The following ZCCHC3 variants were observed in gnomAD, a reference collection of about 807,000 sequenced individuals.
ZCCHC3 encodes zinc finger CCHC-type containing 3.
Under a neutral mutation model 18.4 loss-of-function variants are expected in ZCCHC3, and 20 were observed. The ratio of observed to expected loss-of-function variants is 1.09; its 90% CI spans 0.76 to 1.58. ZCCHC3 has a LOEUF of 1.58. Among genes scored for constraint, ZCCHC3 ranks in the 40% most tolerant of loss-of-function variants. The probability of loss-of-function intolerance (pLI) is 0.00; values close to 1 mark genes in which losing one functional copy is unlikely to be tolerated. For missense variants in ZCCHC3, 548 were observed against 511.2 expected, an observed-to-expected ratio of 1.07 and a Z score of -0.69; for synonymous variants, 310 against 232.7, an observed-to-expected ratio of 1.33 and a Z score of -3.02.
chr20:297,591 C>T lies in ZCCHC3; in HGVS notation c.5C>T (p.Ala2Val). 1 of 1,367,664 alleles carries T rather than the reference C, an allele frequency of 7.3e-7. No homozygotes were observed. The highest frequency in any genetic ancestry group is 9.5e-7 in the Non-Finnish European group (1 of 1,057,002). 84.7% of individuals were successfully genotyped at this position (1,367,664 alleles called of 1,614,324 possible). Residue 2 changes from alanine (A) to valine (V), a missense_variant, in exon 1 of 1, where the codon GCC (alanine) becomes GTC (valine). Coordinates refer to ENST00000500893, the MANE Select transcript of ZCCHC3 (RefSeq NM_033089.7). ...GGATGCTGGGAAGGAGGTAAAATGG[C>T]CACCGGCGGCGGCGCGGAGGAAGAG... M[A>V]TGGGAEEERK... is the part of the protein sequence containing the mutation.
rs1295621742 is a variant in ZCCHC3, at chr20:298,021, G to A, written c.435G>A (p.Ala145=). ...TPARPGEAED[A]AERPLQDEPA... ...CCAGGCCCGGCGAGGCCGAGGACGC[G>A]GCCGAGCGGCCCCTCCAGGATGAGC... Residue 145 remains alanine (A), a synonymous_variant, in exon 1 of 1, where the codon GCG becomes GCA. Transcript: ENST00000500893. 2.6e-5 allele frequency: 37 copies of A among 1,425,186 alleles called. No individual in the cohort carries two copies. Among genetic ancestry groups the A allele is most frequent in the Non-Finnish European group, 3.3e-5 (36 of 1,095,532 alleles). The allele number at this position is 1,425,186 out of a possible 1,614,324, so 88.3% of individuals were successfully genotyped here.
chr20:299,463 G>T lies in ZCCHC3; in HGVS notation c.*665G>T. ...GGACTTCATGACAGCTCTTTTGGTG[G>T]CTCAGAAGCCATTTTTTATAGAATC... On this transcript the variant is annotated 3_prime_UTR_variant, in exon 1 of 1. Coordinates refer to ENST00000500893, the MANE Select transcript of ZCCHC3 (RefSeq NM_033089.7). The T allele has an allele frequency of 6.0e-6, 1 of 167,208 alleles. No individual in the cohort carries two copies. 10.4% of individuals were successfully genotyped at this position (167,208 alleles called of 1,614,324 possible). A position where few individuals can be genotyped will look rare whatever the true frequency, so the allele number is the denominator to read the frequency against.
Position 299,517 on chromosome 20 carries a change from G to C in ZCCHC3, c.*719G>C, listed in dbSNP as rs545876059. 5 of 167,200 alleles carry C rather than the reference G, an allele frequency of 3.0e-5. No homozygotes were observed. Among genetic ancestry groups the C allele is most frequent in the African/African-American group, 9.6e-5 (4 of 41,576 alleles). The allele number at this position is 167,200 out of a possible 1,614,324, so 10.4% of individuals were successfully genotyped here. A position where few individuals can be genotyped will look rare whatever the true frequency, so the allele number is the denominator to read the frequency against. ...GAATCTAGAATATTCCTGCTGGAAA[G>C]AACCTGAGAGTTGGTTTGGACCAAT... On this transcript the variant is annotated 3_prime_UTR_variant, in exon 1 of 1. Coordinates refer to ENST00000500893, the MANE Select transcript of ZCCHC3 (RefSeq NM_033089.7).
At position 299,618 on chromosome 20, in the gene ZCCHC3, C is replaced by G. The variant is rs1427670319; in HGVS notation, c.*820C>G. 3.6e-5 allele frequency: 6 copies of G among 167,026 alleles called. No individual in the cohort carries two copies. The highest frequency in any genetic ancestry group is 2.6e-4 in the Admixed American group (4 of 15,268). The allele number at this position is 167,026 out of a possible 1,614,324, so 10.3% of individuals were successfully genotyped here. On this transcript the variant is annotated 3_prime_UTR_variant, in exon 1 of 1. Transcript: ENST00000500893. ...GTGAAAATCACATAGCTGTCTGGTG[C>G]CAGAGCCAGCCTATAGTAGAGTCCC...
rs2012694574 is a variant in ZCCHC3, at chr20:298,767, C to T, written c.1181C>T (p.Ala394Val). Residue 394 changes from alanine (A) to valine (V), a missense_variant, in exon 1 of 1, where the codon GCA becomes GTA. Transcript: ENST00000500893. ...QCPKAVHNSV[A>V]AQLTGVAGH ...CCCAAAGCAGTGCACAATTCCGTGGCAGCTCAGCTAACCGGCGTGGCCGGG... is the reference window on the plus strand; with the variant it reads ...CCCAAAGCAGTGCACAATTCCGTGGTAGCTCAGCTAACCGGCGTGGCCGGG... 2 of 1,529,404 alleles carry T rather than the reference C, an allele frequency of 1.3e-6. No homozygotes were observed. The highest frequency in any genetic ancestry group is 1.4e-5 in the African/African-American group (1 of 72,572). 94.7% of individuals were successfully genotyped at this position (1,529,404 alleles called of 1,614,324 possible).
At position 298,048 on chromosome 20, in the gene ZCCHC3, G is replaced by C. The variant is rs760356685; in HGVS notation, c.462G>C (p.Pro154=). The change falls in exon 1 of 1, where the codon CCG becomes CCC. Residue 154 remains proline (P), a synonymous_variant. Transcript: ENST00000500893. ...CCGAGCGGCCCCTCCAGGATGAGCC[G>C]GCGGCGGCGGCAGGCCCGGGCAAGG... is the stretch of plus-strand genomic sequence containing the variant. ...DAAERPLQDE[P]AAAAGPGKGR... 6.7e-7 allele frequency: 1 copy of C among 1,497,644 alleles called. No individual in the cohort carries two copies. Among genetic ancestry groups the C allele is most frequent in the Non-Finnish European group, 8.9e-7 (1 of 1,123,156 alleles). 92.8% of individuals were successfully genotyped at this position (1,497,644 alleles called of 1,614,324 possible). A position where few individuals can be genotyped will look rare whatever the true frequency, so the allele number is the denominator to read the frequency against.
Position 297,790 on chromosome 20 carries a change from C to A in ZCCHC3, c.204C>A (p.Gly68=). The A allele has an allele frequency of 7.5e-7, 1 of 1,336,344 alleles. No individual in the cohort carries two copies. The highest frequency in any genetic ancestry group is 2.1e-5 in the South Asian group (1 of 48,754). 82.8% of individuals were successfully genotyped at this position (1,336,344 alleles called of 1,614,324 possible). Residue 68 remains glycine, a synonymous_variant, in exon 1 of 1, where the codon GGC becomes GGA. Transcript: ENST00000500893. Reference sequence around the variant, plus strand: ...CGCGGCGGGAGGAGGAAAGCGGCGGCGGTGGAGGGAGCGCCGGGCTCGGCG... The same window carrying A: ...CGCGGCGGGAGGAGGAAAGCGGCGGAGGTGGAGGGAGCGCCGGGCTCGGCG... ...RPPRREEESG[G]GGGSAGLGGP...
In ZCCHC3 at chr20:297,629, C is replaced by T; in HGVS notation, c.43C>T (p.Arg15Trp). Reference sequence around the variant, plus strand: ...CGCGGAGGAAGAGAGGAAACGGGGGCGGCCGCAGCTTCTGCCCCCCGCGCG... The same window carrying T: ...CGCGGAGGAAGAGAGGAAACGGGGGTGGCCGCAGCTTCTGCCCCCCGCGCG... ...GGAEEERKRG[R>W]PQLLPPARPA... The change falls in exon 1 of 1, where the codon CGG becomes TGG. Residue 15 changes from arginine to tryptophan, a missense_variant. Transcript: ENST00000500893. The T allele has an allele frequency of 9.4e-6, 13 of 1,378,342 alleles. No homozygotes were observed. Among genetic ancestry groups the T allele is most frequent in the South Asian group, 1.7e-5 (1 of 59,604 alleles). 85.4% of individuals were successfully genotyped at this position (1,378,342 alleles called of 1,614,324 possible). A position where few individuals can be genotyped will look rare whatever the true frequency, so the allele number is the denominator to read the frequency against.
Position 298,413 on chromosome 20 carries a change from A to G in ZCCHC3, c.827A>G (p.His276Arg), listed in dbSNP as rs1483065794. ...GACATTGTGACTTGGCTCAAGCGCC[A>G]CTGCGACGTGCTGGCCGTGCCGGTG... ...VEDIVTWLKRHCDVLAVPVKV... is the reference protein window; with the variant it reads ...VEDIVTWLKRRCDVLAVPVKV... The change falls in exon 1 of 1, where the codon CAC becomes CGC. Residue 276 changes from histidine to arginine, a missense_variant. By Grantham distance (29) the His-to-Arg change is conservative. Coordinates refer to ENST00000500893, the MANE Select transcript of ZCCHC3 (RefSeq NM_033089.7). 1.3e-6 allele frequency: 1 copy of G among 781,732 alleles called. No individual in the cohort carries two copies. Among genetic ancestry groups the G allele is most frequent in the Non-Finnish European group, 2.4e-6 (1 of 418,800 alleles). 48.4% of individuals were successfully genotyped at this position (781,732 alleles called of 1,614,324 possible).
In ZCCHC3 at chr20:297,947, G is replaced by C. The variant is rs1238388496; in HGVS notation, c.361G>C (p.Gly121Arg). Residue 121 changes from glycine (G) to arginine (R), a missense_variant, in exon 1 of 1, where the codon GGC becomes CGC. Gly to Arg is a moderately radical substitution (Grantham distance 125). Transcript: ENST00000500893. ...PRKKKGAAEA[G>R]RRKKAEAAAA... Reference sequence around the variant, plus strand: ...CAAAAAGAAGGGCGCTGCGGAGGCGGGCAGGAGGAAGAAGGCCGAGGCGGC... The same window carrying C: ...CAAAAAGAAGGGCGCTGCGGAGGCGCGCAGGAGGAAGAAGGCCGAGGCGGC... 9 of 1,295,796 alleles carry C rather than the reference G, an allele frequency of 6.9e-6. No homozygotes were observed. The highest frequency in any genetic ancestry group is 8.8e-6 in the Non-Finnish European group (9 of 1,026,256). 80.3% of individuals were successfully genotyped at this position (1,295,796 alleles called of 1,614,324 possible). A position where few individuals can be genotyped will look rare whatever the true frequency, so the allele number is the denominator to read the frequency against.
Position 297,802 on chromosome 20 carries a change from C to T in ZCCHC3, c.216C>T (p.Ser72=). 1.5e-6 allele frequency: 2 copies of T among 1,298,626 alleles called. No homozygotes were observed. The highest frequency in any genetic ancestry group is 2.5e-5 in the South Asian group (1 of 39,408). 80.4% of individuals were successfully genotyped at this position (1,298,626 alleles called of 1,614,324 possible). A position where few individuals can be genotyped will look rare whatever the true frequency, so the allele number is the denominator to read the frequency against. The change falls in exon 1 of 1, where the codon AGC becomes AGT. Residue 72 remains serine, a synonymous_variant. Coordinates refer to ENST00000500893, the MANE Select transcript of ZCCHC3 (RefSeq NM_033089.7). ...AGGAAAGCGGCGGCGGTGGAGGGAG[C>T]GCCGGGCTCGGCGGCCCCGCGGGCC... ...REEESGGGGG[S]AGLGGPAGLA...
At position 298,153 on chromosome 20, in the gene ZCCHC3, C is replaced by G. The variant is rs542196827; in HGVS notation, c.567C>G (p.Ile189Met). ...PTRDFVVGAL[I>M]LRSIGMDPSD... ...GGGACTTCGTGGTAGGAGCGCTTAT[C>G]CTGCGCTCCATCGGCATGGACCCGA... Residue 189 changes from isoleucine to methionine, a missense_variant, in exon 1 of 1, where the codon ATC (isoleucine) becomes ATG (methionine). Ile to Met is a conservative substitution (Grantham distance 10, BLOSUM62 1). Transcript: ENST00000500893. The G allele has an allele frequency of 3.0e-5, 47 of 1,552,488 alleles. No individual in the cohort carries two copies. Among genetic ancestry groups the G allele is most frequent in the Non-Finnish European group, 4.0e-5 (45 of 1,125,292 alleles).
Position 300,251 on chromosome 20 carries a change from T to C in ZCCHC3, c.*1453T>C, listed in dbSNP as rs1394284507. The C allele has an allele frequency of 6.0e-6, 1 of 167,130 alleles. No homozygotes were observed. Among genetic ancestry groups the C allele is most frequent in the Non-Finnish European group, 1.5e-5 (1 of 68,128 alleles). 10.4% of individuals were successfully genotyped at this position (167,130 alleles called of 1,614,324 possible). On this transcript the variant is annotated 3_prime_UTR_variant, in exon 1 of 1. Transcript: ENST00000500893. Reference sequence around the variant, plus strand: ...TGCTATATGTTTTGCTATTTCCTTGTGGCTTAGAATGTAAAATTGATTGTT... The same window carrying C: ...TGCTATATGTTTTGCTATTTCCTTGCGGCTTAGAATGTAAAATTGATTGTT...
chr20:298,157 C>G lies in ZCCHC3; in HGVS notation c.571C>G (p.Arg191Gly), dbSNP rs377755362. 1 of 1,555,040 alleles carries G rather than the reference C, an allele frequency of 6.4e-7. No individual in the cohort carries two copies. Among genetic ancestry groups the G allele is most frequent in the Non-Finnish European group, 8.9e-7 (1 of 1,127,396 alleles). Residue 191 changes from arginine (R) to glycine (G), a missense_variant, in exon 1 of 1, where the codon CGC becomes GGC. Arg to Gly is a moderately radical substitution (Grantham distance 125). Transcript: ENST00000500893. ...CTTCGTGGTAGGAGCGCTTATCCTG[C>G]GCTCCATCGGCATGGACCCGAGCGA... ...RDFVVGALIL[R>G]SIGMDPSDIY... is the part of the protein sequence containing the mutation.
chr20:297,582 G>C lies in ZCCHC3; in HGVS notation c.-5G>C. On this transcript the variant is annotated 5_prime_UTR_variant, in exon 1 of 1. Coordinates refer to ENST00000500893, the MANE Select transcript of ZCCHC3 (RefSeq NM_033089.7). ...GCGAGTGGAGGATGCTGGGAAGGAG[G>C]TAAAATGGCCACCGGCGGCGGCGCG... is the stretch of plus-strand genomic sequence containing the variant. The C allele has an allele frequency of 2.2e-6, 3 of 1,364,746 alleles. No homozygotes were observed. Among genetic ancestry groups the C allele is most frequent in the Non-Finnish European group, 2.8e-6 (3 of 1,055,594 alleles). The allele number at this position is 1,364,746 out of a possible 1,614,324, so 84.5% of individuals were successfully genotyped here.
Position 298,267 on chromosome 20 carries a change from C to A in ZCCHC3, c.681C>A (p.Arg227=). 1.1e-6 allele frequency: 1 copy of A among 873,596 alleles called. No individual in the cohort carries two copies. The highest frequency in any genetic ancestry group is 2.4e-5 in the East Asian group (1 of 41,646). The allele number at this position is 873,596 out of a possible 1,614,324, so 54.1% of individuals were successfully genotyped here. A position where few individuals can be genotyped will look rare whatever the true frequency, so the allele number is the denominator to read the frequency against. The change falls in exon 1 of 1, where the codon CGC becomes CGA. Residue 227 remains arginine, a synonymous_variant. Transcript: ENST00000500893. ...RSAEKLALFL[R]VYEEKREQED... ...CGGAGAAGCTGGCCCTGTTCCTACG[C>A]GTCTACGAGGAGAAGCGGGAGCAGG...
Position 297,868 on chromosome 20 carries a change from CG to C in ZCCHC3, c.286del (p.Asp96IlefsTer90). The C allele has an allele frequency of 1.6e-6, 2 of 1,246,008 alleles. No individual in the cohort carries two copies. The highest frequency in any genetic ancestry group is 1.0e-6 in the Non-Finnish European group (1 of 995,056). 77.2% of individuals were successfully genotyped at this position (1,246,008 alleles called of 1,614,324 possible). On this transcript the variant is annotated frameshift_variant, in exon 1 of 1. Transcript: ENST00000500893. LOFTEE classifies it high-confidence loss of function. Reference sequence around the variant, plus strand: ...TCGGCGACTTCCCACCGGCTGGCCGCGGGGATCCGAAGGGCCGTCGGAGAGA... The same window carrying C: ...TCGGCGACTTCCCACCGGCTGGCCGCGGGATCCGAAGGGCCGTCGGAGAGA... Reference protein sequence around the residue: ...DLGDFPPAGRGDPKGRRRDPA... With the variant: ...DLGDFPPAGRXDPKGRRRDPA...
Position 297,700 on chromosome 20 carries a change from G to T in ZCCHC3, c.114G>T (p.Met38Ile). ...GEEADGGREK[M>I]GWAQVVKNLA... ...AGGCCGACGGCGGCCGCGAGAAGAT[G>T]GGCTGGGCCCAGGTGGTGAAGAATC... Residue 38 changes from methionine to isoleucine, a missense_variant, in exon 1 of 1, where the codon ATG becomes ATT. Coordinates refer to ENST00000500893, the MANE Select transcript of ZCCHC3 (RefSeq NM_033089.7). 7.3e-7 allele frequency: 1 copy of T among 1,375,594 alleles called. No individual in the cohort carries two copies. The highest frequency in any genetic ancestry group is 9.4e-7 in the Non-Finnish European group (1 of 1,063,192). The allele number at this position is 1,375,594 out of a possible 1,614,324, so 85.2% of individuals were successfully genotyped here. A position where few individuals can be genotyped will look rare whatever the true frequency, so the allele number is the denominator to read the frequency against.
rs2012722749 is a variant in ZCCHC3 at position 300,289 on chromosome 20, C to G, written c.*1491C>G. 1 of 166,900 alleles carries G rather than the reference C, an allele frequency of 6.0e-6. No individual in the cohort carries two copies. Among genetic ancestry groups the G allele is most frequent in the Non-Finnish European group, 1.5e-5 (1 of 68,104 alleles). 10.3% of individuals were successfully genotyped at this position (166,900 alleles called of 1,614,324 possible). A position where few individuals can be genotyped will look rare whatever the true frequency, so the allele number is the denominator to read the frequency against. ...AAAATTGATTGTTAAAAGTTTTGTT[C>G]TGAATAAATATTTATCTTTTGTATT... On this transcript the variant is annotated 3_prime_UTR_variant, in exon 1 of 1. Transcript: ENST00000500893.
Sources: gnomAD v4.1 joint callset for allele counts on GRCh38, gnomAD v4.1.1 for gene constraint, MANE v1.5 for transcripts, NCBI Gene and HGNC (gene_info 2026-07-23, HGNC 2026-07-21) for gene names.